Variants in TEAD4 observed in about 807,000 individuals in gnomAD.
The protein encoded by TEAD4 is TEA domain transcription factor 4, also known as transcriptional enhancer factor TEF-3.
A neutral mutation model predicts 52.4 loss-of-function variants in TEAD4; 36 were observed. That is an observed-to-expected ratio of 0.69 (90% confidence interval 0.53 to 0.91). The LOEUF (loss-of-function observed/expected upper bound fraction) is 0.91, where lower values mean the gene tolerates loss of function less well. TEAD4 is among the 40% of genes least tolerant of loss of function. The pLI is 0.00. For synonymous variants in TEAD4, 220 were observed against 231.0 expected, an observed-to-expected ratio of 0.95 and a Z score of 0.43; for missense variants, 508 against 583.9, an observed-to-expected ratio of 0.87 and a Z score of 1.34.
At chr12:2,973,584 G>C (rs999246414) in intron 2 of TEAD4, among the ~76,000 whole-genome samples, 3 of 152,174 alleles carry the variant, frequency 2.0e-5, no homozygotes, top group African/African-American at 7.2e-5. Context: ...TACACCTAGA[G>C]AATGACATGA....
intron 10 of TEAD4, among the ~76,000 whole-genome samples, chr12:3,023,021 C>T (rs2098269760): frequency 2.0e-5 from 3 of 152,210 alleles, no homozygotes; most frequent in African/African-American, 7.2e-5. Flanking sequence ...GTTCAGATGG[C>T]TTGCCGGCTC....
intron 3 of TEAD4, among the ~76,000 whole-genome samples, chr12:3,000,912 C>T (rs1346860276): frequency 1.3e-5 from 2 of 152,226 alleles, no homozygotes; most frequent in African/African-American, 4.8e-5. Context: ...GGTGATGGGA[C>T]AGAGGTCACG....
At chr12:2,960,730 AAGTG>A (rs2098214581) in intron 2 of TEAD4, among the ~76,000 whole-genome samples, 1 of 152,148 alleles carries the variant, frequency 6.6e-6, no homozygotes, top group African/African-American at 2.4e-5. Context: ...GGCTGTCTGA[AAGTG>A]AGTATCTCTG....
At chr12:2,985,921 T>TA (rs1167171150) in intron 2 of TEAD4, among the ~76,000 whole-genome samples, 1 of 151,212 alleles carries the variant, frequency 6.6e-6, no homozygotes, top group East Asian at 2.0e-4. Context: ...CTGTCTCTAC[T>TA]AAAAAAATAC....
chr12:2,966,717 T>C (rs1035350267), intron 2 of TEAD4, among the ~76,000 whole-genome samples: 1 of 151,324 alleles, frequency 6.6e-6, no homozygotes, highest in African/African-American at 2.4e-5. Flanking sequence ...GGCGTATTTC[T>C]TTTTTTTGAG....
At chr12:3,021,388 G>C (rs2098268624) in intron 9 of TEAD4, among the ~76,000 whole-genome samples, 1 of 145,884 alleles carries the variant, frequency 6.9e-6, no homozygotes, top group African/African-American at 2.5e-5. Flanking sequence ...TCAGCTTACT[G>C]CAACTTCCAC....
intron 10 of TEAD4, among the ~76,000 whole-genome samples, chr12:3,022,691 G>C (rs1173526649): frequency 2.0e-5 from 3 of 152,198 alleles, no homozygotes; most frequent in Non-Finnish European, 4.4e-5. Context: ...TGGGAGCTTA[G>C]CTTCCTGGGG....
intron 2 of TEAD4, among the ~76,000 whole-genome samples, chr12:2,983,454 A>C (rs1056607836): frequency 6.6e-6 from 1 of 152,164 alleles, no homozygotes; most frequent in Non-Finnish European, 1.5e-5. Context: ...TGAACCACAG[A>C]TACTGCTAGC....
At chr12:3,007,533 A>G (rs2098256916) in intron 3 of TEAD4, among the ~76,000 whole-genome samples, 1 of 152,122 alleles carries the variant, frequency 6.6e-6, no homozygotes, top group South Asian at 2.1e-4. Flanking sequence ...ACGCGTTAGG[A>G]CCCAGCACTT....
At chr12:2,989,523 C>T in intron 2 of TEAD4, among the ~76,000 whole-genome samples, 1 of 152,158 alleles carries the variant, frequency 6.6e-6, no homozygotes, top group East Asian at 1.9e-4. Context: ...ACCGCAACCT[C>T]TACCTCCTGG....
At chr12:3,015,196 T>C (rs1000808809) in intron 5 of TEAD4, among the ~76,000 whole-genome samples, 11 of 152,084 alleles carry the variant, frequency 7.2e-5, no homozygotes, top group African/African-American at 2.7e-4. Context: ...CTCGGAACAG[T>C]TCCCTACTCC....
At chr12:2,969,419 G>T (rs1215719219) in intron 2 of TEAD4, among the ~76,000 whole-genome samples, 1 of 152,154 alleles carries the variant, frequency 6.6e-6, no homozygotes, top group Non-Finnish European at 1.5e-5. Flanking sequence ...CCTTGGAACC[G>T]ATCACCCACA....
chr12:2,962,113 T>TTTTTA (rs200197893), intron 2 of TEAD4, among the ~76,000 whole-genome samples: 1,601 of 150,904 alleles, frequency 0.011, 14 homozygotes, highest in Middle Eastern at 0.02. Flanking sequence ...TTTTACTTTA[T>TTTTTA]TTTTATTTTA....
At chr12:2,965,061 G>T (rs2098219150) in intron 2 of TEAD4, among the ~76,000 whole-genome samples, 1 of 152,162 alleles carries the variant, frequency 6.6e-6, no homozygotes, top group Non-Finnish European at 1.5e-5. Flanking sequence ...GACAACACAT[G>T]CTGTCTTGAT....
chr12:2,987,390 G>A (rs1347544808), intron 2 of TEAD4, among the ~76,000 whole-genome samples: 1 of 151,066 alleles, frequency 6.6e-6, no homozygotes, highest in Admixed American at 6.6e-5. Flanking sequence ...TCTTCCATGT[G>A]TTTTCAGAAT....
intron 4 of TEAD4, among the ~76,000 whole-genome samples, chr12:3,011,563 CCAT>C (rs2098260374): frequency 6.6e-6 from 1 of 151,882 alleles, no homozygotes; most frequent in Non-Finnish European, 1.5e-5. Flanking sequence ...GTCCCTGCTG[CCAT>C]CACTTAGGAG....
At chr12:2,962,267 T>A (rs2153951896) in intron 2 of TEAD4, among the ~76,000 whole-genome samples, 1 of 133,002 alleles carries the variant, frequency 7.5e-6, no homozygotes, top group East Asian at 2.1e-4. Context: ...TAGTTTCATA[T>A]ATATATATTT....
intron 2 of TEAD4, among the ~76,000 whole-genome samples, chr12:2,993,705 T>G (rs1329444404): frequency 6.6e-6 from 1 of 152,048 alleles, no homozygotes; most frequent in Non-Finnish European, 1.5e-5. Context: ...CTGAAACTCC[T>G]GGGCTCAAGG....
At chr12:2,962,327 A>AATATATAAATATATAAATATAT (rs745423413) in intron 2 of TEAD4, among the ~76,000 whole-genome samples, 2 of 112,774 alleles carry the variant, frequency 1.8e-5, no homozygotes, top group East Asian at 2.6e-4. Context: ...TATATATATA[A>AATATATAAATATATAAATATAT]ATATAAATAT....
Sources: gnomAD v4.1 joint callset for allele counts (sites outside exome capture counted in the v4.1 genomes callset) on GRCh38, gnomAD v4.1.1 for gene constraint, MANE v1.5 for transcripts, NCBI Gene and HGNC (gene_info 2026-07-23, HGNC 2026-07-21) for gene names.